The following CANX variants were observed in gnomAD, a reference collection of about 807,000 sequenced individuals.
CANX encodes epididymis secretory sperm binding protein.
Under a neutral mutation model 75.7 loss-of-function variants are expected in CANX, and 14 were observed. The ratio of observed to expected loss-of-function variants is 0.19; its 90% CI spans 0.12 to 0.29. CANX has a LOEUF of 0.29. Ranked by LOEUF, CANX falls within the 10% of genes least tolerant of loss-of-function variation. The probability of loss-of-function intolerance (pLI) is 1.00; values close to 1 mark genes in which losing one functional copy is unlikely to be tolerated. For synonymous variants in CANX, 227 were observed against 236.9 expected (o/e 0.96, Z 0.38); for missense variants, 567 against 713.2 (o/e 0.79, Z 2.34).
chr5:179,687,287 TAG>T (rs1465438953), intron 1 of CANX, among the ~76,000 whole-genome samples: 1 of 151,508 alleles, frequency 6.6e-6, no homozygotes, highest in Non-Finnish European at 1.5e-5. Flanking sequence ...GTATTTGCAG[TAG>T]AGACGGGGTT....
chr5:179,690,462 G>C (rs1165461960), intron 1 of CANX, among the ~76,000 whole-genome samples: 2 of 151,192 alleles, frequency 1.3e-5, no homozygotes, highest in African/African-American at 4.9e-5. Flanking sequence ...TGTAATCCCA[G>C]CTACTTGGGA....
rs1466521288 is a variant in CANX at position 179,728,877 on chromosome 5, G to C, written c.*233G>C. ...AGAAAAGAAAACATTTAACATAATG[G>C]TTGTGAAATGTAACATGAAGCAAAC... On this transcript the variant is annotated 3_prime_UTR_variant, in exon 15 of 15. Coordinates refer to ENST00000247461, the MANE Select transcript of CANX (RefSeq NM_001746.4). The C allele has an allele frequency of 1.0e-5, 6 of 575,148 alleles. No homozygotes were observed. The African/African-American group carries it at 1.2e-4, about 11-fold the overall frequency. 35.6% of individuals were successfully genotyped at this position (575,148 alleles called of 1,614,324 possible).
intron 1 of CANX, among the ~76,000 whole-genome samples, chr5:179,692,097 CAA>C (rs1282097297): frequency 6.7e-6 from 1 of 149,074 alleles, no homozygotes. Context: ...TTTTTTGAGA[CAA>C]AGTCTCGCTC....
intron 7 of CANX, among the ~76,000 whole-genome samples, chr5:179,715,429 T>G (rs1777874592): frequency 6.6e-6 from 1 of 152,094 alleles, no homozygotes; most frequent in African/African-American, 2.4e-5. Flanking sequence ...TTCCAGCTAC[T>G]GCGGAGGCTG....
At chr5:179,725,431 C>T (rs1173959625) in intron 13 of CANX, among the ~76,000 whole-genome samples, 1 of 151,836 alleles carries the variant, frequency 6.6e-6, no homozygotes, top group South Asian at 2.1e-4. Context: ...CCTGTAATTC[C>T]AGCACTTTGG....
intron 1 of CANX, among the ~76,000 whole-genome samples, chr5:179,692,472 C>T (rs1776315183): frequency 6.6e-6 from 1 of 152,060 alleles, no homozygotes; most frequent in Non-Finnish European, 1.5e-5. Flanking sequence ...CTTTCAGAGG[C>T]CAATGGAGGA....
chr5:179,682,014 G>A (rs1370104669), intron 1 of CANX, among the ~76,000 whole-genome samples: 2 of 151,794 alleles, frequency 1.3e-5, no homozygotes, highest in Non-Finnish European at 2.9e-5. Flanking sequence ...ACTTTGGGAG[G>A]GGAAGGTGGG....
chr5:179,725,986 CAA>C (rs796996311), intron 13 of CANX, among the ~76,000 whole-genome samples: 11 of 62,976 alleles, frequency 1.7e-4, no homozygotes, highest in Admixed American at 1.7e-4. Flanking sequence ...GACTGAGTCT[CAA>C]AAAAAAAAAA....
intron 7 of CANX, among the ~76,000 whole-genome samples, chr5:179,710,907 G>T (rs1242645312): frequency 6.6e-6 from 1 of 151,202 alleles, no homozygotes; most frequent in Non-Finnish European, 1.5e-5. Flanking sequence ...ACAAAAATTA[G>T]CTGGGCGTGG....
Position 179,698,983 on chromosome 5 carries a change from T to C in CANX, c.-123T>C. The C allele has an allele frequency of 2.7e-6, 3 of 1,124,328 alleles. No homozygotes were observed. Among genetic ancestry groups the C allele is most frequent in the Non-Finnish European group, 3.3e-6 (3 of 911,774 alleles). The allele number at this position is 1,124,328 out of a possible 1,614,324, so 69.6% of individuals were successfully genotyped here. ...TCGCGCGGCAGCGGTGGCCGAGGCCTCTTGGTTCTGCGGCACGTGACGGTC... is the reference window on the plus strand; with the variant it reads ...TCGCGCGGCAGCGGTGGCCGAGGCCCCTTGGTTCTGCGGCACGTGACGGTC... On this transcript the variant is annotated 5_prime_UTR_variant, in exon 1 of 15. Transcript: ENST00000247461.
rs532548014 is a variant in CANX at position 179,731,499 on chromosome 5, A to G, written c.*2855A>G. 4.1e-4 allele frequency among the ~76,000 whole-genome samples: 62 copies of G among 150,712 alleles called. 1 individual carries two copies. The South Asian group carries it at 0.012, about 30-fold the overall frequency. On this transcript the variant is annotated 3_prime_UTR_variant, in exon 15 of 15. Coordinates refer to ENST00000247461, the MANE Select transcript of CANX (RefSeq NM_001746.4). ...GCTAAAAAAAAAAAAGCAGGACTGC[A>G]TTATGGCACTTTTGCCTTGGTGGCC...
At chr5:179,721,460 G>T (rs576202705) in intron 10 of CANX, among the ~76,000 whole-genome samples, 1 of 152,308 alleles carries the variant, frequency 6.6e-6, no homozygotes, top group East Asian at 1.9e-4. Flanking sequence ...TGTTGATTTG[G>T]GTACCCTGCT....
At chr5:179,721,545 A>G (rs1243699182) in intron 10 of CANX, among the ~76,000 whole-genome samples, 1 of 152,150 alleles carries the variant, frequency 6.6e-6, no homozygotes, top group Non-Finnish European at 1.5e-5. Flanking sequence ...TGGGTAGAGG[A>G]CTGTGGTTTG....
At position 179,705,781 on chromosome 5, in the gene CANX, G is replaced by C. The variant is rs1366842266; in HGVS notation, c.100G>C (p.Asp34His). 1.4e-5 allele frequency: 23 copies of C among 1,611,606 alleles called. No homozygotes were observed. Among genetic ancestry groups the C allele is most frequent in the Non-Finnish European group, 2.0e-5 (23 of 1,177,810 alleles). Residue 34 changes from aspartate (D) to histidine (H), a missense_variant, in exon 2 of 15, where the codon GAC becomes CAC. By Grantham distance (81) the Asp-to-His change is moderately conservative. Around this residue, in one of 3 missense-constraint regions of CANX, gnomAD observed 351 missense variants for 433.8 expected, o/e 0.81. Coordinates refer to ENST00000247461, the MANE Select transcript of CANX (RefSeq NM_001746.4). Reference protein sequence around the residue: ...HDDDVIDIEDDLDDVIEEVED... With the variant: ...HDDDVIDIEDHLDDVIEEVED... ...TGATGATGTGATTGATATTGAGGAT[G>C]ACCTTGACGATGTCATTGAAGAGGT...
At chr5:179,726,820 A>C in intron 14 of CANX, 61 bp downstream of exon 14, 1 of 1,234,520 alleles carries the variant, frequency 8.1e-7, no homozygotes, top group Non-Finnish European at 1.2e-6. Context: ...ATGTAAAGGG[A>C]ATATTTTAAT....
At chr5:179,724,938 G>T (rs1778550563) in intron 13 of CANX, among the ~76,000 whole-genome samples, 155 bp downstream of exon 13, 1 of 152,048 alleles carries the variant, frequency 6.6e-6, no homozygotes, top group South Asian at 2.1e-4. Context: ...AATCACTTGA[G>T]CCCAGGAGTT....
intron 10 of CANX, 63 bp from the exon 11 acceptor site, chr5:179,722,741 A>T: frequency 4.3e-6 from 5 of 1,151,210 alleles, no homozygotes; most frequent in South Asian, 4.1e-5. Context: ...CTTACGGTAG[A>T]TTCACCATAA....
intron 1 of CANX, among the ~76,000 whole-genome samples, chr5:179,691,428 C>T (rs536615709): frequency 7.9e-5 from 12 of 152,030 alleles, no homozygotes; most frequent in South Asian, 4.2e-4. Flanking sequence ...GTGAGTGGGC[C>T]GGGCACAGTG....
chr5:179,703,375 A>G (rs1189834474), intron 1 of CANX, among the ~76,000 whole-genome samples: 1 of 151,166 alleles, frequency 6.6e-6, no homozygotes, highest in Non-Finnish European at 1.5e-5. Context: ...GCGCCACCAC[A>G]CTCGGCTAAT....
Sources: gnomAD v4.1 joint callset for allele counts (sites outside exome capture counted in the v4.1 genomes callset) on GRCh38, gnomAD v4.1.1 for gene constraint, gnomAD v4.1.1 regional missense constraint, MANE v1.5 for transcripts, NCBI Gene and HGNC (gene_info 2026-07-23, HGNC 2026-07-21) for gene names.